The following PARD3 variants were observed in gnomAD, a reference collection of about 807,000 sequenced individuals.
PARD3 encodes the protein partitioning defective 3 homolog.
A neutral mutation model predicts 155.4 loss-of-function variants in PARD3; 75 were observed. The observed-to-expected ratio is 0.48, with a 90% confidence interval of 0.40 to 0.58. The LOEUF is 0.58. Ranked by LOEUF, PARD3 falls within the 20% of genes least tolerant of loss-of-function variation. The pLI, the probability that PARD3 is intolerant of heterozygous loss-of-function variation, is 0.00. For synonymous variants in PARD3, 576 were observed against 610.5 expected, an observed-to-expected ratio of 0.94 and a Z score of 0.83; for missense variants, 1,642 against 1,721.7, an observed-to-expected ratio of 0.95 and a Z score of 0.82.
At chr10:34,383,345 T>G (rs1244670787) in intron 8 of PARD3, among the ~76,000 whole-genome samples, 1 of 151,562 alleles carries the variant, frequency 6.6e-6, no homozygotes, top group Non-Finnish European at 1.5e-5. Flanking sequence ...ATAATTATAT[T>G]TAGAATATTG....
At chr10:34,611,500 C>T (rs368806887) in intron 2 of PARD3, among the ~76,000 whole-genome samples, 88 of 152,240 alleles carry the variant, frequency 5.8e-4, no homozygotes, top group African/African-American at 2.0e-3. Flanking sequence ...GGAGTAATTT[C>T]GGGATTTTCT....
At chr10:34,197,782 T>G (rs1194266081) in intron 22 of PARD3, among the ~76,000 whole-genome samples, 1 of 152,200 alleles carries the variant, frequency 6.6e-6, no homozygotes, top group African/African-American at 2.4e-5. Context: ...CAGGCTGGAG[T>G]GAAGTGGTGC....
chr10:34,210,141 C>T (rs1951670461), intron 22 of PARD3, among the ~76,000 whole-genome samples: 1 of 152,156 alleles, frequency 6.6e-6, no homozygotes, highest in Non-Finnish European at 1.5e-5. Context: ...AACTTCCCAA[C>T]ATATAACATA....
intron 2 of PARD3, among the ~76,000 whole-genome samples, chr10:34,596,500 G>C (rs540866536): frequency 1.3e-5 from 2 of 152,282 alleles, no homozygotes; most frequent in East Asian, 1.9e-4. Context: ...AATTAGTGCA[G>C]AGCAAAGTGG....
intron 2 of PARD3, among the ~76,000 whole-genome samples, chr10:34,648,816 G>C (rs1268419703): frequency 6.6e-6 from 1 of 152,132 alleles, no homozygotes; most frequent in African/African-American, 2.4e-5. Context: ...ACATTTTTAA[G>C]GAAGCCCAGC....
intron 2 of PARD3, among the ~76,000 whole-genome samples, chr10:34,564,718 G>A (rs1441354586): frequency 1.3e-5 from 2 of 152,114 alleles, no homozygotes; most frequent in African/African-American, 2.4e-5. Context: ...AATCTCTTTC[G>A]GATGGATTTT....
At chr10:34,373,529 T>G (rs993320877) in intron 11 of PARD3, among the ~76,000 whole-genome samples, 6 of 151,738 alleles carry the variant, frequency 4.0e-5, no homozygotes, top group African/African-American at 7.3e-5. Context: ...GCTAGTTGTT[T>G]TTTTTTTTTA....
chr10:34,547,742 A>G (rs879260060), intron 2 of PARD3, among the ~76,000 whole-genome samples: 9 of 152,352 alleles, frequency 5.9e-5, no homozygotes, highest in Non-Finnish European at 8.8e-5. Flanking sequence ...TAATGATGAC[A>G]AAAAATGCAC....
intron 24 of PARD3, 59 bp from the exon 25 acceptor site, chr10:34,111,621 A>T: frequency 7.1e-7 from 1 of 1,406,078 alleles, no homozygotes; most frequent in Non-Finnish European, 9.8e-7. Context: ...AGAGGGAGGA[A>T]AGGGGGCAGG....
intron 21 of PARD3, among the ~76,000 whole-genome samples, chr10:34,280,723 G>A (rs934548557): frequency 1.3e-5 from 2 of 152,100 alleles, no homozygotes; most frequent in Non-Finnish European, 1.5e-5. Flanking sequence ...CTTGCCCTTG[G>A]TATTTCCCCA....
At chr10:34,521,278 C>T (rs1208858063) in intron 2 of PARD3, among the ~76,000 whole-genome samples, 1 of 150,884 alleles carries the variant, frequency 6.6e-6, no homozygotes, top group African/African-American at 2.4e-5. Context: ...AGTGCCAGGT[C>T]CCAATATGAA....
chr10:34,225,023 A>G (rs1317031186), intron 22 of PARD3, among the ~76,000 whole-genome samples: 3 of 152,224 alleles, frequency 2.0e-5, no homozygotes, highest in Non-Finnish European at 4.4e-5. Flanking sequence ...CAGAAAAAAA[A>G]GAGACCAAGA....
At chr10:34,545,709 G>A (rs1052829729) in intron 2 of PARD3, among the ~76,000 whole-genome samples, 8 of 151,944 alleles carry the variant, frequency 5.3e-5, no homozygotes, top group African/African-American at 7.2e-5. Flanking sequence ...TACCTGCCAC[G>A]ACGCCCGGCT....
At chr10:34,783,604 CAAAAAAAAA>C (rs35411933) in intron 1 of PARD3, among the ~76,000 whole-genome samples, 9 of 76,270 alleles carry the variant, frequency 1.2e-4, no homozygotes, top group African/African-American at 1.6e-4. Flanking sequence ...ACTCCGTCTT[CAAAAAAAAA>C]AAAAAAAAAA....
intron 2 of PARD3, among the ~76,000 whole-genome samples, chr10:34,574,403 C>G (rs990652490): frequency 5.3e-5 from 8 of 152,276 alleles, no homozygotes; most frequent in Non-Finnish European, 1.0e-4. Context: ...ATTCCTGTGT[C>G]CTCCAGGCCT....
chr10:34,623,674 G>C (rs2091821689), intron 2 of PARD3, among the ~76,000 whole-genome samples: 1 of 152,076 alleles, frequency 6.6e-6, no homozygotes, highest in South Asian at 2.1e-4. Flanking sequence ...ACTCCAGACA[G>C]ACCTGTTTAA....
chr10:34,613,241 AAATTCCCC>A (rs1164130302), intron 2 of PARD3, among the ~76,000 whole-genome samples: 1 of 152,224 alleles, frequency 6.6e-6, no homozygotes, highest in East Asian at 1.9e-4. Context: ...TCAAAAAAGC[AAATTCCCC>A]TCCTGATTAA....
In PARD3 at chr10:34,343,898, T is replaced by C. The variant is rs191082465; in HGVS notation, c.2219-2082A>G. 17 of 983,336 alleles carry C rather than the reference T, an allele frequency of 1.7e-5. No homozygotes were observed. In the Admixed American group the frequency reaches 1.8e-4, roughly 11 times the overall value. 60.9% of individuals were successfully genotyped at this position (983,336 alleles called of 1,614,324 possible). ...TGTTTGTTTACTAAACATTTATTCATTGGCAAATTTACATAGAAGGTAACA... is the reference window on the plus strand; with the variant it reads ...TGTTTGTTTACTAAACATTTATTCACTGGCAAATTTACATAGAAGGTAACA... On this transcript the variant is annotated intron_variant, in intron 15 of 24. Transcript: ENST00000374788.
At chr10:34,254,311 A>G (rs548025515) in intron 22 of PARD3, among the ~76,000 whole-genome samples, 20 of 152,094 alleles carry the variant, frequency 1.3e-4, no homozygotes, top group Non-Finnish European at 2.5e-4. Flanking sequence ...CCCAGGAGGC[A>G]GAGCTTGCAG....
Sources: gnomAD v4.1 joint callset for allele counts (sites outside exome capture counted in the v4.1 genomes callset) on GRCh38, gnomAD v4.1.1 for gene constraint, MANE v1.5 for transcripts, NCBI Gene and HGNC (gene_info 2026-07-23, HGNC 2026-07-21) for gene names.